Variants in PRKN observed in about 807,000 individuals in gnomAD.
The protein encoded by PRKN is E3 ubiquitin-protein ligase parkin.
Under a neutral mutation model 59.5 loss-of-function variants are expected in PRKN, and 56 were observed. The observed-to-expected ratio is 0.94, with a 90% CI of 0.76 to 1.18. The LOEUF (loss-of-function observed/expected upper bound fraction) is 1.18, where lower values mean the gene tolerates loss of function less well. Ranked by LOEUF, PRKN falls within the 50% of genes most tolerant of loss-of-function variation. PRKN has a pLI of 0.00. For synonymous variants in PRKN, 250 were observed against 222.1 expected (o/e 1.13, Z -1.12); for missense variants, 657 against 596.4 (o/e 1.10, Z -1.06).
intron 4 of PRKN, among the ~76,000 whole-genome samples, chr6:162,193,850 G>A (rs557598771): frequency 4.8e-4 from 73 of 152,272 alleles, no homozygotes; most frequent in African/African-American, 1.7e-3. Flanking sequence ...GCCTGGAGCT[G>A]TTGCAGAAGG....
At chr6:161,559,865 C>T (rs560553463) in intron 8 of PRKN, among the ~76,000 whole-genome samples, 2 of 152,290 alleles carry the variant, frequency 1.3e-5, no homozygotes, top group South Asian at 4.1e-4. Context: ...TAGATGGCTT[C>T]ATATTTATAA....
chr6:162,601,118 G>C (rs918525177), intron 1 of PRKN, among the ~76,000 whole-genome samples: 1 of 152,062 alleles, frequency 6.6e-6, no homozygotes, highest in East Asian at 1.9e-4. Context: ...GGGCCTTTTT[G>C]CTGCATCATA....
chr6:162,050,458 A>G (rs1180466382), intron 5 of PRKN, among the ~76,000 whole-genome samples: 1 of 112,758 alleles, frequency 8.9e-6, no homozygotes, highest in South Asian at 3.0e-4. Flanking sequence ...CCATTTTCCT[A>G]TATTTCACCC....
chr6:162,669,123 C>A (rs1433469617), intron 1 of PRKN, among the ~76,000 whole-genome samples: 2 of 151,980 alleles, frequency 1.3e-5, no homozygotes, highest in African/African-American at 4.8e-5. Context: ...TTTTATTATA[C>A]CATCTACTAT....
chr6:161,407,892 T>G lies in PRKN; in HGVS notation c.1084-21015A>C, dbSNP rs965979855. On this transcript the variant is annotated intron_variant, in intron 9 of 11. Transcript: ENST00000366898. The surrounding 1 kb of genome is among the most constrained non-coding windows in gnomAD (Gnocchi z 4.9). Reference sequence around the variant, plus strand: ...CCATGCACCTTGTAATCCCCTCCTCTGCTAACAATAGATAACCTCCTTTAA... The same window carrying G: ...CCATGCACCTTGTAATCCCCTCCTCGGCTAACAATAGATAACCTCCTTTAA... 6.6e-6 allele frequency among the ~76,000 whole-genome samples: 1 copy of G among 152,160 alleles called. No homozygotes were observed. Among genetic ancestry groups the G allele is most frequent in the Non-Finnish European group, 1.5e-5 (1 of 68,036 alleles).
At chr6:162,181,626 A>G (rs924294199) in intron 4 of PRKN, among the ~76,000 whole-genome samples, 1 of 152,232 alleles carries the variant, frequency 6.6e-6, no homozygotes, top group Non-Finnish European at 1.5e-5. Context: ...CCTGAGATAC[A>G]AAATAACAAC....
chr6:162,550,922 GGCTGGCTGGTGGCT>G (rs1364473067), intron 1 of PRKN, among the ~76,000 whole-genome samples: 1 of 152,144 alleles, frequency 6.6e-6, no homozygotes, highest in African/African-American at 2.4e-5. Context: ...GGAGGCATCT[GGCTGGCTGGTGGCT>G]GCTCATATCC....
intron 9 of PRKN, among the ~76,000 whole-genome samples, chr6:161,514,300 C>A (rs1248279977): frequency 6.6e-6 from 1 of 152,028 alleles, no homozygotes; most frequent in African/African-American, 2.4e-5. Flanking sequence ...GTTGCACAGA[C>A]AGGAGTTGGA....
At chr6:161,642,107 G>A (rs540719136) in intron 7 of PRKN, among the ~76,000 whole-genome samples, 1 of 151,990 alleles carries the variant, frequency 6.6e-6, no homozygotes, top group African/African-American at 2.4e-5. Context: ...GAAAGCAAAG[G>A]GTCTGTCTTA....
chr6:162,438,610 A>G (rs190831440), intron 2 of PRKN, among the ~76,000 whole-genome samples: 1 of 152,292 alleles, frequency 6.6e-6, no homozygotes, highest in East Asian at 1.9e-4. Flanking sequence ...ACATTGTGCC[A>G]CTTCCTTCTA....
intron 2 of PRKN, among the ~76,000 whole-genome samples, chr6:162,372,005 A>G (rs549448021): frequency 6.6e-6 from 1 of 152,260 alleles, no homozygotes; most frequent in East Asian, 1.9e-4. Context: ...GCTCTTCAAG[A>G]AGATGGAGCT....
Position 161,451,425 on chromosome 6 carries a change from C to T in PRKN, c.1084-64548G>A, listed in dbSNP as rs1789735725. On this transcript the variant is annotated intron_variant, in intron 9 of 11. Transcript: ENST00000366898. This position sits in a 1 kb window ranked among gnomAD's most constrained non-coding sequence, Gnocchi z 5.9. ...TAGCATAGGCAGAGTACTGAGAAGCCTTCCTTGTGCCTGTCACTACACTTC... is the reference window on the plus strand; with the variant it reads ...TAGCATAGGCAGAGTACTGAGAAGCTTTCCTTGTGCCTGTCACTACACTTC... 6.6e-6 allele frequency among the ~76,000 whole-genome samples: 1 copy of T among 152,134 alleles called. No homozygotes were observed. The highest frequency in any genetic ancestry group is 1.5e-5 in the Non-Finnish European group (1 of 68,032).
chr6:162,561,496 A>C (rs9346923), intron 1 of PRKN, among the ~76,000 whole-genome samples: 46,610 of 151,858 alleles, frequency 0.31, 7,616 homozygotes, highest in East Asian at 0.49. Context: ...AGAACCAAAA[A>C]TCAGGTGAGC....
chr6:161,606,106 C>T (rs779134534), intron 7 of PRKN, among the ~76,000 whole-genome samples: 1 of 152,110 alleles, frequency 6.6e-6, no homozygotes, highest in Non-Finnish European at 1.5e-5. Flanking sequence ...GTTTTTCTAT[C>T]CCAAAGGTCT....
At chr6:161,523,767 C>A (rs1778922101) in intron 9 of PRKN, among the ~76,000 whole-genome samples, 3 of 152,048 alleles carry the variant, frequency 2.0e-5, no homozygotes, top group South Asian at 4.1e-4. Context: ...AAATGGTATC[C>A]TTTTATCTTT....
chr6:161,732,463 T>G (rs1440548584), intron 7 of PRKN, among the ~76,000 whole-genome samples: 1 of 139,952 alleles, frequency 7.1e-6, no homozygotes. Context: ...TCAGCTTGCA[T>G]TTCTTCAGAG....
chr6:162,135,910 T>A (rs1781544826), intron 4 of PRKN, among the ~76,000 whole-genome samples: 1 of 152,174 alleles, frequency 6.6e-6, no homozygotes, highest in South Asian at 2.1e-4. Context: ...ATATTTACAT[T>A]CTACAAAAGC....
At chr6:162,383,953 C>T (rs773154119) in intron 2 of PRKN, among the ~76,000 whole-genome samples, 1 of 152,194 alleles carries the variant, frequency 6.6e-6, no homozygotes, top group Non-Finnish European at 1.5e-5. Flanking sequence ...GTTTCTTGTG[C>T]ATCTTCCTCA....
chr6:162,282,454 T>C (rs777315562), intron 2 of PRKN, among the ~76,000 whole-genome samples: 4 of 152,204 alleles, frequency 2.6e-5, no homozygotes, highest in African/African-American at 4.8e-5. Context: ...AAACAGCTAA[T>C]GAGAATAAAT....
Sources: gnomAD v4.1 joint callset for allele counts (sites outside exome capture counted in the v4.1 genomes callset) on GRCh38, gnomAD v4.1.1 for gene constraint, Gnocchi (gnomAD v3.1) non-coding constraint, MANE v1.5 for transcripts, NCBI Gene and HGNC (gene_info 2026-07-23, HGNC 2026-07-21) for gene names.